Variants in UPB1 observed in about 807,000 individuals in gnomAD.
UPB1 encodes the protein beta-ureidopropionase.
Under a neutral mutation model 49.1 loss-of-function variants are expected in UPB1, and 40 were observed. That is an observed-to-expected ratio of 0.81 (90% CI 0.63 to 1.06). The LOEUF (loss-of-function observed/expected upper bound fraction) is 1.06. Ranked by LOEUF, UPB1 falls within the 50% of genes least tolerant of loss-of-function variation. UPB1 has a pLI of 0.00. For synonymous variants in UPB1, 207 were observed against 198.2 expected (o/e 1.04, Z -0.38); for missense variants, 499 against 505.9 (o/e 0.99, Z 0.13).
rs766941831 is a variant in UPB1, at chr22:24,502,227, A to G, written c.364+14A>G. ...AGGAAGCATGGAGTGAGTCTTTTTTATGGTGCTTTCTCTGCTGCCTTCAAA... is the reference window on the plus strand; with the variant it reads ...AGGAAGCATGGAGTGAGTCTTTTTTGTGGTGCTTTCTCTGCTGCCTTCAAA... On this transcript the variant is annotated intron_variant, in intron 3 of 9. Transcript: ENST00000326010. 5 of 1,612,632 alleles carry G rather than the reference A, an allele frequency of 3.1e-6. No homozygotes were observed. The highest frequency in any genetic ancestry group is 2.2e-5 in the East Asian group (1 of 44,884).
At chr22:24,496,404 TACACACACACACAC>T (rs1012330972) in intron 1 of UPB1, among the ~76,000 whole-genome samples, 76 of 126,972 alleles carry the variant, frequency 6.0e-4, no homozygotes, top group African/African-American at 1.7e-3. Context: ...CACACACACA[TACACACACACACAC>T]ACACACACGT....
At chr22:24,515,472 A>G in intron 6 of UPB1, 102 bp downstream of exon 6, 1 of 1,515,548 alleles carries the variant, frequency 6.6e-7, no homozygotes, top group Non-Finnish European at 9.1e-7. Flanking sequence ...AGGCGCAGCC[A>G]CCAGGATGTT....
chr22:24,513,630 AG>A, intron 5 of UPB1, 145 bp downstream of exon 5: 1 of 1,195,158 alleles, frequency 8.4e-7, no homozygotes. Context: ...GTGTGGCTGC[AG>A]TGCTCAGAGG....
At chr22:24,516,738 T>C (rs970908601) in intron 6 of UPB1, 3 of 152,130 alleles carry the variant, frequency 2.0e-5, no homozygotes, top group African/African-American at 4.8e-5. Context: ...TTTTTTTTTT[T>C]CTTTGAGACG....
chr22:24,520,413 G>A lies in UPB1; in HGVS notation c.818G>A (p.Arg273Lys), dbSNP rs745555506. 6.2e-7 allele frequency: 1 copy of A among 1,614,102 alleles called. No homozygotes were observed. The highest frequency in any genetic ancestry group is 8.5e-7 in the Non-Finnish European group (1 of 1,180,048). The change falls in exon 7 of 10, where the codon AGA (arginine) becomes AAA (lysine). Residue 273 changes from arginine to lysine, a missense_variant. Arg to Lys is a conservative substitution (Grantham distance 26). Coordinates refer to ENST00000326010, the MANE Select transcript of UPB1 (RefSeq NM_016327.3). ...LSESLWPIEARNAAIANHCFT... is the reference protein window; with the variant it reads ...LSESLWPIEAKNAAIANHCFT... Reference sequence around the variant, plus strand: ...GAGTCCCTGTGGCCCATCGAGGCCAGAAACGCAGCCATTGCCAATCACTGC... The same window carrying A: ...GAGTCCCTGTGGCCCATCGAGGCCAAAAACGCAGCCATTGCCAATCACTGC...
intron 8 of UPB1, among the ~76,000 whole-genome samples, chr22:24,522,695 G>A (rs1390150377): frequency 1.3e-5 from 2 of 151,742 alleles, no homozygotes; most frequent in African/African-American, 4.8e-5. Context: ...ACTTTGGGAG[G>A]CTGAGGCGGG....
At chr22:24,523,425 G>A (rs577876255) in intron 8 of UPB1, among the ~76,000 whole-genome samples, 194 bp from the exon 9 acceptor site, 2 of 152,330 alleles carry the variant, frequency 1.3e-5, no homozygotes, top group African/African-American at 2.4e-5. Context: ...AGCATAAGGG[G>A]GCCATTTGCA....
At position 24,502,229 on chromosome 22, in the gene UPB1, G is replaced by A. The variant is rs368072734; in HGVS notation, c.364+16G>A. On this transcript the variant is annotated intron_variant, in intron 3 of 9. Transcript: ENST00000326010. The stretch of plus-strand genomic sequence containing the variant: ...GAAGCATGGAGTGAGTCTTTTTTAT[G>A]GTGCTTTCTCTGCTGCCTTCAAACA... The A allele has an allele frequency of 6.2e-7, 1 of 1,612,332 alleles. No homozygotes were observed. The highest frequency in any genetic ancestry group is 8.5e-7 in the Non-Finnish European group (1 of 1,178,428).
chr22:24,519,875 C>T (rs948875738), intron 6 of UPB1: 5 of 241,606 alleles, frequency 2.1e-5, no homozygotes, highest in Non-Finnish European at 4.1e-5. Flanking sequence ...ACAAGCCCAC[C>T]AGGCCCCCGG....
At chr22:24,522,680 C>T (rs2044415557) in intron 8 of UPB1, among the ~76,000 whole-genome samples, 1 of 151,618 alleles carries the variant, frequency 6.6e-6, no homozygotes, top group African/African-American at 2.4e-5. Context: ...GCCTGTAATC[C>T]CAGTACTTTG....
chr22:24,498,252 A>G (rs1488734499), intron 1 of UPB1, among the ~76,000 whole-genome samples: 1 of 152,180 alleles, frequency 6.6e-6, no homozygotes. Context: ...TTAGGATTTC[A>G]ACATATGAAT....
chr22:24,513,483 G>T lies in UPB1; in HGVS notation c.619G>T (p.Glu207Ter), dbSNP rs780870504. ...NHIPRVGDFN[E>*]STYYMEGNLG... ...CATCCCCAGAGTGGGTGATTTCAAC[G>T]AGGTGAGCCACCCATAAGATAGATA... Residue 207 changes from glutamate (E) to a stop codon, truncating the protein, a stop_gained and splice_region_variant, in exon 5 of 10, where the codon GAG becomes TAG. Transcript: ENST00000326010. LOFTEE classifies it high-confidence loss of function. The T allele has an allele frequency of 1.9e-6, 3 of 1,613,678 alleles. No homozygotes were observed. The African/African-American group carries it at 4.0e-5, about 22-fold the overall frequency.
At position 24,526,659 on chromosome 22, in the gene UPB1, C is replaced by CT. The variant is rs199517855; in HGVS notation, c.*867dup. On this transcript the variant is annotated 3_prime_UTR_variant, in exon 10 of 10. Coordinates refer to ENST00000326010, the MANE Select transcript of UPB1 (RefSeq NM_016327.3). ...AAAAGTGGTTCTAGAAAAATAGAATCTTAAAGATGAGTTTTCTGCATTGGT... is the reference window on the plus strand; with the variant it reads ...AAAAGTGGTTCTAGAAAAATAGAATCTTTAAAGATGAGTTTTCTGCATTGGT... 8 of 152,348 alleles carry CT rather than the reference C, an allele frequency of 5.3e-5. No individual in the cohort carries two copies. In the East Asian group the frequency reaches 1.5e-3, roughly 29 times the overall value. The allele number at this position is 152,348 out of a possible 1,614,324, so 9.4% of individuals were successfully genotyped here.
In UPB1 at chr22:24,495,355, A is replaced by G. The variant is rs1217932074; in HGVS notation, c.-49A>G. 8.8e-6 allele frequency: 14 copies of G among 1,599,880 alleles called. No individual in the cohort carries two copies. The highest frequency in any genetic ancestry group is 2.2e-5 in the East Asian group (1 of 44,824). On this transcript the variant is annotated 5_prime_UTR_variant, in exon 1 of 10. Coordinates refer to ENST00000326010, the MANE Select transcript of UPB1 (RefSeq NM_016327.3). ...CTGGGCACCTCCTCCCACTGCGGGCAAAGGGCAGGCAGTTCGTGCGCGGAC... is the reference window on the plus strand; with the variant it reads ...CTGGGCACCTCCTCCCACTGCGGGCGAAGGGCAGGCAGTTCGTGCGCGGAC...
At chr22:24,509,306 A>G (rs2044148679) in intron 3 of UPB1, among the ~76,000 whole-genome samples, 1 of 138,892 alleles carries the variant, frequency 7.2e-6, no homozygotes, top group Non-Finnish European at 1.5e-5. Context: ...CTTGGTGTGC[A>G]TGGAGATGAC....
chr22:24,523,251 T>G (rs2044427209), intron 8 of UPB1, among the ~76,000 whole-genome samples: 1 of 151,984 alleles, frequency 6.6e-6, no homozygotes, highest in South Asian at 2.1e-4. Flanking sequence ...AGGATAAGGG[T>G]GACGCAGCTG....
At chr22:24,508,258 C>T (rs745836888) in intron 3 of UPB1, among the ~76,000 whole-genome samples, 3 of 152,080 alleles carry the variant, frequency 2.0e-5, no homozygotes, top group Non-Finnish European at 1.5e-5. Flanking sequence ...GCTAATCCCT[C>T]TAAAAGTAAT....
At position 24,528,110 on chromosome 22, in the gene UPB1, T is replaced by A. The variant is rs539955279; in HGVS notation, c.*2316T>A. ...CTCCAGCTTGGCGACAGAGTGAGAC[T>A]CCGTCTCAAAAAACAAAACAAAACA... On this transcript the variant is annotated 3_prime_UTR_variant, in exon 10 of 10. Coordinates refer to ENST00000326010, the MANE Select transcript of UPB1 (RefSeq NM_016327.3). 4 of 152,344 alleles carry A rather than the reference T, an allele frequency of 2.6e-5. No individual in the cohort carries two copies. In the South Asian group the frequency reaches 8.3e-4, roughly 32 times the overall value. 9.4% of individuals were successfully genotyped at this position (152,344 alleles called of 1,614,324 possible).
intron 6 of UPB1, among the ~76,000 whole-genome samples, chr22:24,515,901 G>A (rs546251397): frequency 6.6e-6 from 1 of 152,302 alleles, no homozygotes; most frequent in South Asian, 2.1e-4. Flanking sequence ...ACTTGAACTT[G>A]GGAGGCGGAG....
Sources: allele counts gnomAD v4.1 joint callset (sites outside exome capture counted in the v4.1 genomes callset), GRCh38; gene constraint gnomAD v4.1.1; transcripts MANE v1.5; gene names NCBI Gene and HGNC (gene_info 2026-07-23, HGNC 2026-07-21).